GOLGA3: variants seen among roughly 807,000 people sequenced by gnomAD.
The protein encoded by GOLGA3 is golgin subfamily A member 3.
A neutral mutation model predicts 169.4 loss-of-function variants in GOLGA3; 75 were observed. The observed-to-expected ratio is 0.44, with a 90% CI of 0.37 to 0.54. The LOEUF (loss-of-function observed/expected upper bound fraction) is 0.54. Among genes scored for constraint, GOLGA3 ranks in the 20% least tolerant of loss-of-function variants. The probability of loss-of-function intolerance (pLI) is 0.00; values close to 1 mark genes in which losing one functional copy is unlikely to be tolerated. For synonymous variants in GOLGA3, 824 were observed against 822.4 expected (o/e 1.00, Z -0.03); for missense variants, 1,899 against 1,930.0 (o/e 0.98, Z 0.30).
chr12:132,795,618 G>A (rs1009014351), intron 11 of GOLGA3, among the ~76,000 whole-genome samples: 1 of 152,110 alleles, frequency 6.6e-6, no homozygotes, highest in Non-Finnish European at 1.5e-5. Flanking sequence ...AAAATTAGCT[G>A]GGCATGGTGG....
chr12:132,799,519 T>C (rs1949028029), intron 8 of GOLGA3, among the ~76,000 whole-genome samples: 1 of 152,154 alleles, frequency 6.6e-6, no homozygotes, highest in South Asian at 2.1e-4. Context: ...TGTTCACCTA[T>C]GTCCCAGCTA....
At chr12:132,827,387 C>G (rs1370769301) in intron 1 of GOLGA3, among the ~76,000 whole-genome samples, 2 of 152,232 alleles carry the variant, frequency 1.3e-5, no homozygotes, top group African/African-American at 4.8e-5. Flanking sequence ...CCCTCCACCA[C>G]TTACCTGTGA....
rs751568008 is a variant in GOLGA3, at chr12:132,808,327, C to A, written c.742G>T (p.Asp248Tyr). The change falls in exon 5 of 24, where the codon GAT (aspartate) becomes TAT (tyrosine). Residue 248 changes from aspartate (D) to tyrosine (Y), a missense_variant. Asp to Tyr is a radical substitution (Grantham distance 160). Coordinates refer to ENST00000450791, the MANE Select transcript of GOLGA3 (RefSeq NM_001389683.1). ...SKSSKIRSLADYRTEDSNAGN... is the reference protein window; with the variant it reads ...SKSSKIRSLAYYRTEDSNAGN... ...GCATTTGAATCTTCAGTTCTGTAAT[C>A]GGCCAGAGACCGGATTTTGCTTGAT... The A allele has an allele frequency of 1.2e-6, 2 of 1,614,132 alleles. No homozygotes were observed. The highest frequency in any genetic ancestry group is 1.1e-5 in the South Asian group (1 of 91,084).
rs1395100439 is a variant in GOLGA3 at position 132,787,596 on chromosome 12, CT to C, written c.2812-810del. On this transcript the variant is annotated intron_variant, in intron 13 of 23. Coordinates refer to ENST00000450791, the MANE Select transcript of GOLGA3 (RefSeq NM_001389683.1). ...ACCCCGGGACCCCTCCCCAGAACCC[CT>C]GGGACCCTTCCCCGGAGACCCCGGG... Among the ~76,000 whole-genome samples, 279 of 130,800 alleles carry C rather than the reference CT, an allele frequency of 2.1e-3. 57 individuals are homozygous for C. Among genetic ancestry groups the C allele is most frequent in the Non-Finnish European group, 2.5e-3 (144 of 56,980 alleles). 85.8% of individuals were successfully genotyped at this position (130,800 alleles called of 152,430 possible). A position where few individuals can be genotyped will look rare whatever the true frequency, so the allele number is the denominator to read the frequency against.
In GOLGA3 at chr12:132,786,418, G is replaced by A. The variant is rs567702653; in HGVS notation, c.3044C>T (p.Ala1015Val). The A allele has an allele frequency of 4.4e-5, 71 of 1,613,232 alleles. No homozygotes were observed. The highest frequency in any genetic ancestry group is 1.3e-4 in the East Asian group (6 of 44,844). The change falls in exon 15 of 24, where the codon GCG becomes GTG. Residue 1015 changes from alanine (A) to valine (V), a missense_variant. Ala to Val is a moderately conservative substitution (Grantham distance 64). Transcript: ENST00000450791. ...CTCCGCGTCCGCAGCCTCCTTGGCCGCGAGGGCCTCCTGCAGGCGGCGGCT... is the reference window on the plus strand; with the variant it reads ...CTCCGCGTCCGCAGCCTCCTTGGCCACGAGGGCCTCCTGCAGGCGGCGGCT... ...ILSRRLQEAL[A>V]AKEAADAELG...
At position 132,784,166 on chromosome 12, in the gene GOLGA3, C is replaced by T. The variant is rs748744472; in HGVS notation, c.3265G>A (p.Glu1089Lys). 13 of 1,607,046 alleles carry T rather than the reference C, an allele frequency of 8.1e-6. No homozygotes were observed. Among genetic ancestry groups the T allele is most frequent in the Admixed American group, 3.3e-5 (2 of 60,008 alleles). ...CACAGCAGATGGCCAGGCCTCACCT[C>T]GTCCTCCAGCTCCAGCACCTTCTCC... The part of the protein sequence containing the change: ...SREKVLELED[E>K]LQESRGFRKK... The change falls in exon 16 of 24, where the codon GAG becomes AAG. Residue 1089 changes from glutamate (E) to lysine (K), a missense_variant and splice_region_variant. Physicochemically the swap from Glu to Lys is moderately conservative, Grantham distance 56 (BLOSUM62 1). Transcript: ENST00000450791.
At chr12:132,802,367 C>CGGGGGTGCAGGGGGCATG (rs148634218) in intron 7 of GOLGA3, among the ~76,000 whole-genome samples, 8 of 91,794 alleles carry the variant, frequency 8.7e-5, no homozygotes, top group South Asian at 7.4e-4. Context: ...TGGCCGGACA[C>CGGGGGTGCAGGGGGCATG]GGGGGTGCAG....
chr12:132,813,747 T>TG (rs976541820), intron 3 of GOLGA3, among the ~76,000 whole-genome samples: 3 of 125,084 alleles, frequency 2.4e-5, no homozygotes, highest in African/African-American at 9.2e-5. Flanking sequence ...TTTTTTGAGA[T>TG]GGAGTCTCAC....
chr12:132,775,018 G>C (rs1317779745), intron 22 of GOLGA3, 123 bp downstream of exon 22: 9 of 732,650 alleles, frequency 1.2e-5, no homozygotes, highest in Middle Eastern at 4.0e-4. Flanking sequence ...CTACACAGCA[G>C]CTGCTCAGTG....
At chr12:132,797,099 G>A (rs1948883872) in intron 9 of GOLGA3, among the ~76,000 whole-genome samples, 1 of 152,210 alleles carries the variant, frequency 6.6e-6, no homozygotes, top group Admixed American at 6.5e-5. Context: ...ACACTTCTTA[G>A]GGAAAACACA....
Position 132,822,022 on chromosome 12 carries a change from G to A in GOLGA3, c.107C>T (p.Pro36Leu), listed in dbSNP as rs981784007. 3.7e-6 allele frequency: 6 copies of A among 1,609,642 alleles called. No homozygotes were observed. In the Admixed American group the frequency reaches 8.4e-5, roughly 23 times the overall value. The change falls in exon 2 of 24, where the codon CCA (proline) becomes CTA (leucine). Residue 36 changes from proline to leucine, a missense_variant. By Grantham distance (98) the Pro-to-Leu change is moderately conservative (BLOSUM62 -3). Coordinates refer to ENST00000450791, the MANE Select transcript of GOLGA3 (RefSeq NM_001389683.1). The stretch of plus-strand genomic sequence containing the variant: ...CTGGACTTTGTCCTGCTGGTCAGGT[G>A]GCACCAGTGGGCCCGGGGGCTTCAG... The part of the protein sequence containing the change: ...APLKPPGPLV[P>L]PDQQDKVQCA...
chr12:132,784,102 G>T lies in GOLGA3; in HGVS notation c.3267+62C>A, dbSNP rs773290354. 5.0e-6 allele frequency: 8 copies of T among 1,598,060 alleles called. No individual in the cohort carries two copies. In the South Asian group the frequency reaches 6.6e-5, roughly 13 times the overall value. On this transcript the variant is annotated intron_variant, in intron 16 of 23. Coordinates refer to ENST00000450791, the MANE Select transcript of GOLGA3 (RefSeq NM_001389683.1). The stretch of plus-strand genomic sequence containing the variant: ...TGTTCTTCGGGTCTCACGCGTGGCG[G>T]CATGTCCAGGGCTCACGTGACCTGC...
At position 132,804,453 on chromosome 12, in the gene GOLGA3, T is replaced by C. The variant is rs1306726927; in HGVS notation, c.1597+263A>G. Among the ~76,000 whole-genome samples, 1 of 152,126 alleles carries C rather than the reference T, an allele frequency of 6.6e-6. No homozygotes were observed. The highest frequency in any genetic ancestry group is 1.9e-4 in the East Asian group (1 of 5,186). Reference sequence around the variant, plus strand: ...TCCTTATGTGTAAACTATAAACCAATGCAACCCTCACAGGCACAGTCACAT... The same window carrying C: ...TCCTTATGTGTAAACTATAAACCAACGCAACCCTCACAGGCACAGTCACAT... On this transcript the variant is annotated intron_variant, in intron 7 of 23. Coordinates refer to ENST00000450791, the MANE Select transcript of GOLGA3 (RefSeq NM_001389683.1). This position sits in a 1 kb window ranked among gnomAD's most constrained non-coding sequence, Gnocchi z 4.1.
chr12:132,827,102 C>T lies in GOLGA3; in HGVS notation c.-184+1701G>A, dbSNP rs922176546. Among the ~76,000 whole-genome samples, 8 of 152,296 alleles carry T rather than the reference C, an allele frequency of 5.3e-5. No homozygotes were observed. The East Asian group carries it at 9.7e-4, about 18-fold the overall frequency. On this transcript the variant is annotated intron_variant, in intron 1 of 23. Coordinates refer to ENST00000450791, the MANE Select transcript of GOLGA3 (RefSeq NM_001389683.1). ...CCTCAGGCACCTACAGGACTTTCTG[C>T]TTCCCCCACACCTGAATTCTGTATA...
At chr12:132,781,769 G>C (rs1413135795) in intron 17 of GOLGA3, among the ~76,000 whole-genome samples, 2 of 152,166 alleles carry the variant, frequency 1.3e-5, no homozygotes, top group Non-Finnish European at 2.9e-5. Context: ...AGGCTGTGGA[G>C]ACTAAGTAGC....
chr12:132,803,079 AC>A (rs1949212169), intron 7 of GOLGA3, among the ~76,000 whole-genome samples: 3 of 31,222 alleles, frequency 9.6e-5, no homozygotes. Flanking sequence ...AACAACAACA[AC>A]AACAAAACAA....
In GOLGA3 at chr12:132,784,216, G is replaced by A; in HGVS notation, c.3215C>T (p.Thr1072Ile). The A allele has an allele frequency of 6.2e-7, 1 of 1,610,930 alleles. No individual in the cohort carries two copies. The highest frequency in any genetic ancestry group is 1.7e-5 in the Admixed American group (1 of 60,024). The change falls in exon 16 of 24, where the codon ACC (threonine) becomes ATC (isoleucine). Residue 1072 changes from threonine to isoleucine, a missense_variant. By Grantham distance (89) the Thr-to-Ile change is moderately conservative. Coordinates refer to ENST00000450791, the MANE Select transcript of GOLGA3 (RefSeq NM_001389683.1). Reference sequence around the variant, plus strand: ...CCGGGACTCCTCCAGCTCCTGGCTGGTCAGCGCTATGACCTCCTGCAGTTC... The same window carrying A: ...CCGGGACTCCTCCAGCTCCTGGCTGATCAGCGCTATGACCTCCTGCAGTTC... ...EKELQEVIAL[T>I]SQELEESREK...
chr12:132,781,419 C>T (rs1053657904), intron 17 of GOLGA3, among the ~76,000 whole-genome samples: 6 of 152,160 alleles, frequency 3.9e-5, no homozygotes, highest in Admixed American at 1.3e-4. Context: ...ATTAGCTGGG[C>T]GCGGTGGTGC....
intron 2 of GOLGA3, among the ~76,000 whole-genome samples, chr12:132,821,786 G>A (rs544771219): frequency 1.0e-4 from 15 of 146,838 alleles, no homozygotes; most frequent in African/African-American, 3.2e-4. Flanking sequence ...CCCGGGAGGC[G>A]GAGCTTGCAG....
Sources: allele counts gnomAD v4.1 joint callset (sites outside exome capture counted in the v4.1 genomes callset), GRCh38; gene constraint gnomAD v4.1.1; non-coding constraint Gnocchi (gnomAD v3.1); transcripts MANE v1.5; gene names NCBI Gene and HGNC (gene_info 2026-07-23, HGNC 2026-07-21).